Variants in ALG9 observed in about 807,000 individuals in gnomAD.
ALG9 encodes alpha-1,2-mannosyltransferase ALG9.
Under a neutral mutation model 81.8 loss-of-function variants are expected in ALG9, and 55 were observed. The ratio of observed to expected loss-of-function variants is 0.67; its 90% CI spans 0.54 to 0.84. ALG9 has a LOEUF of 0.84. Among genes scored for constraint, ALG9 ranks in the 40% least tolerant of loss-of-function variants. ALG9 has a pLI of 0.00. For missense variants in ALG9, 629 were observed against 745.0 expected (o/e 0.84, Z 1.81); for synonymous variants, 278 against 274.3 (o/e 1.01, Z -0.13).
At chr11:111,818,714 A>G (rs374981017) in intron 13 of ALG9, among the ~76,000 whole-genome samples, 1 of 152,240 alleles carries the variant, frequency 6.6e-6, no homozygotes, top group Admixed American at 6.5e-5. Context: ...TGTAAGCTCC[A>G]TAAAATCTGG....
chr11:111,797,708 A>T (rs1948514274), intron 14 of ALG9, among the ~76,000 whole-genome samples: 1 of 152,142 alleles, frequency 6.6e-6, no homozygotes, highest in African/African-American at 2.4e-5. Flanking sequence ...CAACCAGATT[A>T]CTCTCTACAA....
intron 1 of ALG9, 102 bp from the exon 2 acceptor site, chr11:111,870,472 A>C: frequency 7.3e-7 from 1 of 1,361,222 alleles, no homozygotes; most frequent in East Asian, 2.7e-5. Context: ...AGGGCAAGGG[A>C]CATCAAAGCA....
chr11:111,871,318 G>T, intron 1 of ALG9, 34 bp downstream of exon 1: 1 of 1,388,928 alleles, frequency 7.2e-7, no homozygotes, highest in South Asian at 1.7e-5. Flanking sequence ...CCGCCCCGCC[G>T]GCCGGCCACG....
chr11:111,856,276 C>CAAAA (rs1175162630), intron 6 of ALG9, among the ~76,000 whole-genome samples: 23 of 38,540 alleles, frequency 6.0e-4, no homozygotes, highest in African/African-American at 9.0e-4. Context: ...GACTCCATCT[C>CAAAA]AAAAAAAAAA....
At chr11:111,773,654 T>A in the ALG9 span, among the ~76,000 whole-genome samples, 1 of 152,082 alleles carries the variant, frequency 6.6e-6, no homozygotes, top group African/African-American at 2.4e-5. Context: ...CCCATTATCT[T>A]GCCAGGGGCC....
the ALG9 span, among the ~76,000 whole-genome samples, chr11:111,774,520 G>A: frequency 2.6e-5 from 4 of 152,224 alleles, no homozygotes; most frequent in African/African-American, 7.2e-5. Context: ...AATAACGTTT[G>A]GTTGTTTATG....
At chr11:111,793,472 A>G (rs1285239195) in intron 14 of ALG9, among the ~76,000 whole-genome samples, 2 of 152,206 alleles carry the variant, frequency 1.3e-5, no homozygotes, top group Non-Finnish European at 2.9e-5. Flanking sequence ...TTATAAAAGG[A>G]AAGAGCGGGC....
intron 14 of ALG9, among the ~76,000 whole-genome samples, chr11:111,798,430 CA>C (rs1948620817): frequency 6.6e-6 from 1 of 152,140 alleles, no homozygotes; most frequent in South Asian, 2.1e-4. Flanking sequence ...CAGACTCCCA[CA>C]ACCAAACATC....
intron 13 of ALG9, among the ~76,000 whole-genome samples, chr11:111,819,776 C>G (rs1389705096): frequency 1.3e-5 from 2 of 152,228 alleles, no homozygotes; most frequent in East Asian, 3.8e-4. Context: ...TATAGCTGAA[C>G]CTTGTAAGCT....
chr11:111,779,133 A>G (rs1358869133), downstream of ALG9, among the ~76,000 whole-genome samples: 2 of 151,762 alleles, frequency 1.3e-5, no homozygotes, highest in Admixed American at 1.3e-4. Context: ...AAATTTTTTA[A>G]TGATCCCCAG....
At chr11:111,856,759 G>A (rs1053657844) in intron 6 of ALG9, among the ~76,000 whole-genome samples, 16 of 152,074 alleles carry the variant, frequency 1.1e-4, no homozygotes, top group African/African-American at 3.9e-4. Flanking sequence ...GAAGTAGTGG[G>A]AACAAAGAGT....
chr11:111,864,350 G>T (rs955150972), intron 4 of ALG9: 4 of 772,894 alleles, frequency 5.2e-6, no homozygotes, highest in Non-Finnish European at 9.6e-6. Context: ...CCAGGCAGCT[G>T]CAGACTTCAA....
rs140492079 is a variant in ALG9, at chr11:111,804,132, CAA to C, written c.1733+5509_1733+5510del. On this transcript the variant is annotated intron_variant, in intron 14 of 14. Coordinates refer to ENST00000616540, the MANE Select transcript of ALG9 (RefSeq NM_024740.2). Reference sequence around the variant, plus strand: ...TGTGTGACAGAGTAAGACTCCATCTCAAAAAAAAAAAAAAAAAAAGAAACAAC... The same window carrying C: ...TGTGTGACAGAGTAAGACTCCATCTCAAAAAAAAAAAAAAAAAGAAACAAC... 9.9e-3 allele frequency among the ~76,000 whole-genome samples: 845 copies of C among 85,374 alleles called. 4 individuals are homozygous for C. The highest frequency in any genetic ancestry group is 0.034 in the African/African-American group (711 of 20,768). 56.0% of individuals were successfully genotyped at this position (85,374 alleles called of 152,430 possible). A position where few individuals can be genotyped will look rare whatever the true frequency, so the allele number is the denominator to read the frequency against.
rs113562277 is a variant in ALG9 at position 111,831,470 on chromosome 11, C to T, written c.1602+4695G>A. 6.9e-3 allele frequency among the ~76,000 whole-genome samples: 1,045 copies of T among 152,224 alleles called. 10 individuals carry two copies. The highest frequency in any genetic ancestry group is 0.023 in the African/African-American group (971 of 41,542). The stretch of plus-strand genomic sequence containing the variant: ...CTATGATGATGACACTGCACTCCAG[C>T]CTGGGTGACAGAGTGAGACCCTGCC... On this transcript the variant is annotated intron_variant, in intron 13 of 14. Coordinates refer to ENST00000616540, the MANE Select transcript of ALG9 (RefSeq NM_024740.2).
intron 14 of ALG9, among the ~76,000 whole-genome samples, chr11:111,790,810 C>G (rs1354276141): frequency 1.3e-5 from 2 of 152,190 alleles, no homozygotes; most frequent in African/African-American, 4.8e-5. Context: ...AAAAGCCTGA[C>G]AGTCTCAAAC....
intron 14 of ALG9, chr11:111,805,160 A>C: frequency 2.4e-6 from 1 of 422,468 alleles, no homozygotes; most frequent in East Asian, 7.1e-5. Context: ...AGCACTCAAC[A>C]ATGGGATTAA....
At chr11:111,830,944 A>C (rs1278573928) in intron 13 of ALG9, among the ~76,000 whole-genome samples, 1 of 152,186 alleles carries the variant, frequency 6.6e-6, no homozygotes, top group Non-Finnish European at 1.5e-5. Context: ...GTCAAGGCAG[A>C]AGGATCACTT....
chr11:111,770,170 G>A, the ALG9 span, among the ~76,000 whole-genome samples: 42 of 152,286 alleles, frequency 2.8e-4, no homozygotes, highest in African/African-American at 9.1e-4. Context: ...GAGGCTGACC[G>A]TCTGAATCAC....
At chr11:111,770,296 A>G in the ALG9 span, among the ~76,000 whole-genome samples, 1 of 152,230 alleles carries the variant, frequency 6.6e-6, no homozygotes, top group Non-Finnish European at 1.5e-5. Flanking sequence ...TCTAGTGTGC[A>G]TTGATACTTG....
Sources: gnomAD v4.1 joint callset for allele counts (sites outside exome capture counted in the v4.1 genomes callset) on GRCh38, gnomAD v4.1.1 for gene constraint, MANE v1.5 for transcripts, NCBI Gene and HGNC (gene_info 2026-07-23, HGNC 2026-07-21) for gene names.